The following RHPN2 variants were observed in gnomAD, a reference collection of about 807,000 sequenced individuals.
RHPN2 encodes the protein rhophilin Rho GTPase binding protein 2, also known as rhophilin-2.
RHPN2 carries 40 observed loss-of-function variants against 79.0 expected under a neutral mutation model. That is an observed-to-expected ratio of 0.51 (90% CI 0.39 to 0.66). The LOEUF (loss-of-function observed/expected upper bound fraction) is 0.66. Ranked by LOEUF, RHPN2 falls within the 30% of genes least tolerant of loss-of-function variation. RHPN2 has a pLI of 0.00. For missense variants in RHPN2, 686 were observed against 883.5 expected (o/e 0.78, Z 2.83); for synonymous variants, 285 against 363.5 (o/e 0.78, Z 2.46).
intron 2 of RHPN2, among the ~76,000 whole-genome samples, chr19:33,028,350 T>A (rs1971984205): frequency 6.6e-6 from 1 of 151,892 alleles, no homozygotes; most frequent in Admixed American, 6.6e-5. Flanking sequence ...AGAGATGGAG[T>A]CTCACTATGT....
chr19:33,033,009 A>G (rs1182976522), intron 2 of RHPN2, among the ~76,000 whole-genome samples: 1 of 152,066 alleles, frequency 6.6e-6, no homozygotes, highest in Non-Finnish European at 1.5e-5. Flanking sequence ...TTAATCTTAC[A>G]TGTTGTATGA....
chr19:33,007,115 C>A (rs1276772973), intron 7 of RHPN2, among the ~76,000 whole-genome samples: 8 of 152,090 alleles, frequency 5.3e-5, no homozygotes, highest in Non-Finnish European at 1.0e-4. Flanking sequence ...TATGAGACAT[C>A]CTTTGAATGC....
chr19:32,992,050 T>A lies in RHPN2; in HGVS notation c.1498-81A>T, dbSNP rs1369109590. On this transcript the variant is annotated intron_variant, in intron 12 of 14. Coordinates refer to ENST00000254260, the MANE Select transcript of RHPN2 (RefSeq NM_033103.5). ...AAGCTAAAGGGAATTTTGCCTGCTG[T>A]CCTTGAAGATCTCACTTGGCCTTGT... 3.5e-5 allele frequency: 53 copies of A among 1,508,232 alleles called. No homozygotes were observed. The East Asian group carries it at 1.2e-3, about 33-fold the overall frequency. The allele number at this position is 1,508,232 out of a possible 1,614,324, so 93.4% of individuals were successfully genotyped here. A position where few individuals can be genotyped will look rare whatever the true frequency, so the allele number is the denominator to read the frequency against.
chr19:32,999,473 T>G, intron 10 of RHPN2, 113 bp downstream of exon 10: 9 of 1,376,192 alleles, frequency 6.5e-6, no homozygotes, highest in Non-Finnish European at 9.0e-6. Context: ...CCACGATGAC[T>G]CGGAACACCC....
chr19:32,994,159 G>T (rs535736878), intron 11 of RHPN2, 106 bp from the exon 12 acceptor site: 2 of 795,732 alleles, frequency 2.5e-6, no homozygotes, highest in South Asian at 2.8e-5. Flanking sequence ...ACTTTGGGAG[G>T]CTGAGGCAGG....
rs766529399 is a variant in RHPN2 at position 32,980,153 on chromosome 19, G to C, written c.1904C>G (p.Ser635Cys). The C allele has an allele frequency of 6.2e-7, 1 of 1,613,944 alleles. No homozygotes were observed. Among genetic ancestry groups the C allele is most frequent in the Non-Finnish European group, 8.5e-7 (1 of 1,179,870 alleles). Residue 635 changes from serine (S) to cysteine (C), a missense_variant, in exon 15 of 15, where the codon TCC (serine) becomes TGC (cysteine). Coordinates refer to ENST00000254260, the MANE Select transcript of RHPN2 (RefSeq NM_033103.5). ...CCAACTCAGGAAGGAAAGCTTCTTG[G>C]AGATTTTCTTGGTTTTATCAGTTTT... ...DDKTDKTKKI[S>C]KKLSFLSWGT...
intron 2 of RHPN2, among the ~76,000 whole-genome samples, chr19:33,034,253 A>C (rs1175082852): frequency 6.6e-6 from 1 of 151,910 alleles, no homozygotes. Flanking sequence ...TGGGCGGATC[A>C]CGAGGTCTGG....
intron 14 of RHPN2, among the ~76,000 whole-genome samples, chr19:32,986,990 C>T (rs959267221): frequency 5.9e-5 from 9 of 151,538 alleles, no homozygotes; most frequent in Non-Finnish European, 1.3e-4. Flanking sequence ...GATCCTCCTG[C>T]CTCAGCCTCC....
intron 4 of RHPN2, 131 bp downstream of exon 4, chr19:33,021,440 T>C: frequency 1.4e-6 from 1 of 735,980 alleles, no homozygotes; most frequent in Non-Finnish European, 2.4e-6. Context: ...CACTGCAGCC[T>C]CCAGTTCCTG....
chr19:32,990,571 A>G lies in RHPN2; in HGVS notation c.1743T>C (p.Phe581=), dbSNP rs376929194. Reference sequence around the variant, plus strand: ...CTTTCATCTCGATCTCGTCCTCGCCAAAGCTCTTCAGCAGCTTCATAACCT... The same window carrying G: ...CTTTCATCTCGATCTCGTCCTCGCCGAAGCTCTTCAGCAGCTTCATAACCT... The part of the protein sequence containing the change: ...LSEVMKLLKS[F]GEDEIEMKVV... The change falls in exon 14 of 15, where the codon TTT becomes TTC. Residue 581 remains phenylalanine (F), a synonymous_variant. Coordinates refer to ENST00000254260, the MANE Select transcript of RHPN2 (RefSeq NM_033103.5). 12 of 1,613,742 alleles carry G rather than the reference A, an allele frequency of 7.4e-6. No individual in the cohort carries two copies. In the African/African-American group the frequency reaches 1.6e-4, roughly 22 times the overall value.
At chr19:33,019,282 G>A (rs1424028367) in intron 4 of RHPN2, among the ~76,000 whole-genome samples, 1 of 151,326 alleles carries the variant, frequency 6.6e-6, no homozygotes, top group Non-Finnish European at 1.5e-5. Context: ...CTGTCTTTAC[G>A]AAAAATACAA....
At chr19:32,992,813 TAAA>T (rs56178801) in intron 12 of RHPN2, among the ~76,000 whole-genome samples, 9 of 119,718 alleles carry the variant, frequency 7.5e-5, no homozygotes, top group Admixed American at 8.8e-5. Flanking sequence ...GACCCTGTCT[TAAA>T]AAAAAAAAAA....
intron 2 of RHPN2, among the ~76,000 whole-genome samples, chr19:33,041,972 C>A (rs959587462): frequency 1.8e-4 from 27 of 151,922 alleles, no homozygotes; most frequent in African/African-American, 6.5e-4. Context: ...CACTTGAGGC[C>A]AAGACTTTGA....
chr19:32,983,340 G>A (rs1007811280), intron 14 of RHPN2, among the ~76,000 whole-genome samples: 3 of 151,862 alleles, frequency 2.0e-5, no homozygotes, highest in Admixed American at 2.0e-4. Context: ...GTGAAACCCT[G>A]TCTCTACTAA....
chr19:33,021,393 G>C (rs541672412), intron 4 of RHPN2, among the ~76,000 whole-genome samples, 178 bp downstream of exon 4: 1 of 151,996 alleles, frequency 6.6e-6, no homozygotes, highest in African/African-American at 2.4e-5. Context: ...GTCTCATTCT[G>C]TTGCCCAGCC....
rs113665418 is a variant in RHPN2, at chr19:33,006,906, G to A, written c.760+1108C>T. On this transcript the variant is annotated intron_variant, in intron 7 of 14. Coordinates refer to ENST00000254260, the MANE Select transcript of RHPN2 (RefSeq NM_033103.5). Reference sequence around the variant, plus strand: ...AAAATACAAAAATTAGCCAGGCATGGTGGCAGGCGCCTGTAATCCCAGCTA... The same window carrying A: ...AAAATACAAAAATTAGCCAGGCATGATGGCAGGCGCCTGTAATCCCAGCTA... Among the ~76,000 whole-genome samples, 680 of 152,100 alleles carry A rather than the reference G, an allele frequency of 4.5e-3. 9 individuals carry two copies. Among genetic ancestry groups the A allele is most frequent in the African/African-American group, 0.013 (520 of 41,492 alleles).
At chr19:32,988,610 CTCCCTTCCTTGTCCTGG>C (rs1971630046) in intron 14 of RHPN2, among the ~76,000 whole-genome samples, 1 of 148,758 alleles carries the variant, frequency 6.7e-6, no homozygotes, top group South Asian at 2.1e-4. Flanking sequence ...CTTCCCATGG[CTCCCTTCCTTGTCCTGG>C]TGCTCTTGCC....
intron 10 of RHPN2, 94 bp downstream of exon 10, chr19:32,999,492 C>T (rs1163593024): frequency 1.2e-5 from 18 of 1,499,630 alleles, no homozygotes; most frequent in East Asian, 7.5e-5. Flanking sequence ...CCCCCTCTCC[C>T]GGGCCCTCTT....
chr19:32,990,164 A>AGAAAGAAAGAAT (rs1410856122), intron 14 of RHPN2, among the ~76,000 whole-genome samples: 2 of 48,020 alleles, frequency 4.2e-5, no homozygotes, highest in South Asian at 7.9e-4. Context: ...AAAGAAAGAA[A>AGAAAGAAAGAAT]GAGCGAGCCA....
Sources: gnomAD v4.1 joint callset for allele counts (sites outside exome capture counted in the v4.1 genomes callset) on GRCh38, gnomAD v4.1.1 for gene constraint, MANE v1.5 for transcripts, NCBI Gene and HGNC (gene_info 2026-07-23, HGNC 2026-07-21) for gene names.